DCC: variants seen among roughly 807,000 people sequenced by gnomAD.
The protein encoded by DCC is netrin receptor DCC.
DCC carries 58 observed loss-of-function variants against 172.5 expected under a neutral mutation model. The ratio of observed to expected loss-of-function variants is 0.34; its 90% CI spans 0.27 to 0.42. DCC has a LOEUF of 0.42. Among genes scored for constraint, DCC ranks in the 10% least tolerant of loss-of-function variants. DCC has a pLI of 1.00. For missense variants in DCC, 1,740 were observed against 1,791.0 expected, an observed-to-expected ratio of 0.97 and a Z score of 0.51; for synonymous variants, 709 against 644.5, an observed-to-expected ratio of 1.10 and a Z score of -1.52.
At position 53,435,129 on chromosome 18, in the gene DCC, T is replaced by C; in HGVS notation, c.3164-15T>C. The C allele has an allele frequency of 1.3e-6, 2 of 1,596,142 alleles. No homozygotes were observed. The highest frequency in any genetic ancestry group is 2.2e-5 in the South Asian group (2 of 90,740). ...CATTTGTACTGACATTGTGACATGC[T>C]CTCCCAATGAACAGGTCGTCATGGA... On this transcript the variant is annotated splice_polypyrimidine_tract_variant and intron_variant, in intron 21 of 28. Coordinates refer to ENST00000442544, the MANE Select transcript of DCC (RefSeq NM_005215.4).
chr18:52,846,125 C>T (rs1598861207), intron 2 of DCC, among the ~76,000 whole-genome samples: 1 of 152,134 alleles, frequency 6.6e-6, no homozygotes, highest in African/African-American at 2.4e-5. Context: ...TAATACATTC[C>T]TCTACACTAT....
chr18:52,354,765 T>C (rs1423749220), intron 1 of DCC, among the ~76,000 whole-genome samples: 1 of 152,218 alleles, frequency 6.6e-6, no homozygotes, highest in African/African-American at 2.4e-5. Context: ...CAGTTCAGGA[T>C]ATTGTAAATT....
chr18:52,414,089 T>G (rs543468996), intron 1 of DCC, among the ~76,000 whole-genome samples: 1 of 152,130 alleles, frequency 6.6e-6, no homozygotes, highest in Admixed American at 6.5e-5. Flanking sequence ...GACTATTTAT[T>G]TATTTATTGA....
intron 2 of DCC, among the ~76,000 whole-genome samples, chr18:52,894,999 A>G (rs990371810): frequency 1.3e-5 from 2 of 152,214 alleles, no homozygotes; most frequent in Non-Finnish European, 2.9e-5. Context: ...TGACTGACTG[A>G]CTGAATGAGT....
rs545150236 is a variant in DCC, at chr18:53,410,318, A to G, written c.2936-134A>G. 24 of 677,910 alleles carry G rather than the reference A, an allele frequency of 3.5e-5. No homozygotes were observed. In the African/African-American group the frequency reaches 4.1e-4, roughly 12 times the overall value. The allele number at this position is 677,910 out of a possible 1,614,324, so 42.0% of individuals were successfully genotyped here. The stretch of plus-strand genomic sequence containing the variant: ...GCATTATGAAAAAAAGACATTACTT[A>G]CAGAACTGCTGTAGTTTACAGATTG... On this transcript the variant is annotated intron_variant, in intron 19 of 28. Transcript: ENST00000442544.
At chr18:53,284,892 C>T (rs2056918330) in intron 12 of DCC, among the ~76,000 whole-genome samples, 1 of 152,096 alleles carries the variant, frequency 6.6e-6, no homozygotes. Context: ...AAAGGTGACT[C>T]TTGTTATGTT....
intron 8 of DCC, among the ~76,000 whole-genome samples, chr18:53,158,032 C>A (rs925548486): frequency 2.0e-5 from 3 of 152,102 alleles, no homozygotes; most frequent in African/African-American, 7.2e-5. Flanking sequence ...GCCCCATTTA[C>A]CCTGATGTGA....
intron 2 of DCC, among the ~76,000 whole-genome samples, chr18:52,809,148 A>G (rs1193213886): frequency 6.6e-6 from 1 of 152,216 alleles, no homozygotes. Flanking sequence ...AATGACAGCT[A>G]GGAATTTGAG....
At chr18:52,583,779 T>C (rs34321056) in intron 1 of DCC, among the ~76,000 whole-genome samples, 1,920 of 152,334 alleles carry the variant, frequency 0.013, 19 homozygotes, top group Non-Finnish European at 0.02. Context: ...ACGTAAAATA[T>C]GACTTAGGTT....
intron 1 of DCC, among the ~76,000 whole-genome samples, chr18:52,665,228 T>A (rs2035442947): frequency 6.6e-6 from 1 of 152,172 alleles, no homozygotes; most frequent in Admixed American, 6.5e-5. Flanking sequence ...TCTAACACAA[T>A]CAAAGAGCTG....
Position 53,488,951 on chromosome 18 carries a change from C to T in DCC, c.3898+1993C>T, listed in dbSNP as rs140135101. On this transcript the variant is annotated intron_variant, in intron 26 of 28. Coordinates refer to ENST00000442544, the MANE Select transcript of DCC (RefSeq NM_005215.4). Reference sequence around the variant, plus strand: ...AGGCAGGCAGATCACGAGGTCAAGACATCGAGACCATCCTGGCCAACATGG... The same window carrying T: ...AGGCAGGCAGATCACGAGGTCAAGATATCGAGACCATCCTGGCCAACATGG... Among the ~76,000 whole-genome samples, 239 of 151,932 alleles carry T rather than the reference C, an allele frequency of 1.6e-3. 1 individual carries two copies. Among genetic ancestry groups the T allele is most frequent in the African/African-American group, 5.4e-3 (225 of 41,444 alleles).
chr18:52,965,407 A>G (rs1159520986), intron 5 of DCC, among the ~76,000 whole-genome samples: 1 of 152,120 alleles, frequency 6.6e-6, no homozygotes, highest in Non-Finnish European at 1.5e-5. Flanking sequence ...CCTCCAAACT[A>G]TACTGTGTAA....
chr18:53,025,807 C>CAT (rs1433812797), intron 5 of DCC, among the ~76,000 whole-genome samples: 4 of 150,402 alleles, frequency 2.7e-5, no homozygotes. Flanking sequence ...CACACACACA[C>CAT]ACACACACAC....
intron 2 of DCC, among the ~76,000 whole-genome samples, chr18:52,792,439 C>T (rs768945960): frequency 1.3e-5 from 2 of 152,138 alleles, no homozygotes; most frequent in Non-Finnish European, 2.9e-5. Context: ...GGTCAGAGGC[C>T]GAGGTCAGTC....
chr18:52,799,038 C>A (rs145844955), intron 2 of DCC, among the ~76,000 whole-genome samples: 1 of 152,152 alleles, frequency 6.6e-6, no homozygotes, highest in Non-Finnish European at 1.5e-5. Context: ...CGTGAGCCAC[C>A]GTGGCCAGCC....
At chr18:53,244,605 G>T (rs1467107984) in intron 12 of DCC, among the ~76,000 whole-genome samples, 1 of 152,042 alleles carries the variant, frequency 6.6e-6, no homozygotes, top group African/African-American at 2.4e-5. Flanking sequence ...GCTGATGTTG[G>T]CTTTGTCGGG....
intron 9 of DCC, among the ~76,000 whole-genome samples, chr18:53,195,663 T>C (rs577038299): frequency 9.2e-5 from 14 of 152,296 alleles, no homozygotes; most frequent in African/African-American, 3.4e-4. Context: ...GTCAAGTATG[T>C]TACCCATTCA....
At chr18:53,447,802 A>C (rs1912707355) in intron 22 of DCC, among the ~76,000 whole-genome samples, 1 of 152,218 alleles carries the variant, frequency 6.6e-6, no homozygotes, top group Non-Finnish European at 1.5e-5. Flanking sequence ...CTTTTTAAAT[A>C]ATAAGTAAAA....
chr18:53,218,702 C>G (rs971667663), intron 12 of DCC, among the ~76,000 whole-genome samples: 1 of 152,004 alleles, frequency 6.6e-6, no homozygotes, highest in South Asian at 2.1e-4. Context: ...GAAATAGTAT[C>G]TTTTCCAGAA....
Sources: gnomAD v4.1 joint callset for allele counts (sites outside exome capture counted in the v4.1 genomes callset) on GRCh38, gnomAD v4.1.1 for gene constraint, MANE v1.5 for transcripts, NCBI Gene and HGNC (gene_info 2026-07-23, HGNC 2026-07-21) for gene names.